IL1RAPL2: variants seen among roughly 807,000 people sequenced by gnomAD.
IL1RAPL2 encodes the protein interleukin 1 receptor accessory protein like 2.
In IL1RAPL2, 3 loss-of-function variants were observed where a neutral mutation model predicts 44.1. The observed-to-expected ratio is 0.07, with a 90% CI of 0.03 to 0.18. The LOEUF (loss-of-function observed/expected upper bound fraction) is 0.18. Ranked by LOEUF, IL1RAPL2 falls within the 10% of genes least tolerant of loss-of-function variation. The pLI, the probability that IL1RAPL2 is intolerant of heterozygous loss-of-function variation, is 1.00. For synonymous variants in IL1RAPL2, 181 were observed against 178.8 expected (o/e 1.01, Z -0.10); for missense variants, 391 against 496.4 (o/e 0.79, Z 2.02).
At chrX:105,735,831 G>A (rs892604414) in intron 7 of IL1RAPL2, among the ~76,000 whole-genome samples, 1 of 110,851 alleles carries the variant, frequency 9.0e-6, no homozygotes, top group Non-Finnish European at 1.9e-5. Context: ...ACTAAATATT[G>A]GAAAAGAATC....
chrX:104,877,193 G>T (rs779807021), intron 2 of IL1RAPL2, among the ~76,000 whole-genome samples: 88 of 111,387 alleles, frequency 7.9e-4, no homozygotes, highest in African/African-American at 1.8e-3. Flanking sequence ...TAAACATACG[G>T]GTGCATGTGT....
intron 6 of IL1RAPL2, among the ~76,000 whole-genome samples, chrX:105,592,171 C>T (rs1250834252): frequency 9.0e-6 from 1 of 111,479 alleles, no homozygotes; most frequent in African/African-American, 3.3e-5. Context: ...TTATGTAATG[C>T]CTTTCTTTAA....
chrX:105,575,630 A>G (rs1039832765), intron 6 of IL1RAPL2, among the ~76,000 whole-genome samples: 2 of 112,368 alleles, frequency 1.8e-5, no homozygotes, highest in Admixed American at 9.4e-5. Context: ...GCTGCAGTGA[A>G]CATACACATG....
chrX:105,414,728 A>G (rs756444284), intron 5 of IL1RAPL2, among the ~76,000 whole-genome samples: 7 of 111,815 alleles, frequency 6.3e-5, no homozygotes, highest in East Asian at 2.8e-4. Flanking sequence ...TGGAATCCCA[A>G]TGTAGGTACA....
intron 2 of IL1RAPL2, among the ~76,000 whole-genome samples, chrX:105,035,109 G>A (rs993242101): frequency 1.2e-4 from 13 of 111,457 alleles, no homozygotes; most frequent in Non-Finnish European, 2.5e-4. Flanking sequence ...GTATTAGGGT[G>A]GGAGTGACCC....
At chrX:104,772,155 C>A (rs778452518) in intron 2 of IL1RAPL2, among the ~76,000 whole-genome samples, 9 of 111,426 alleles carry the variant, frequency 8.1e-5, no homozygotes, top group South Asian at 7.6e-4. Context: ...TGGACTTTAG[C>A]CTTTCTTTCA....
At chrX:105,762,963 A>G (rs1484721374) in intron 10 of IL1RAPL2, among the ~76,000 whole-genome samples, 1 of 110,960 alleles carries the variant, frequency 9.0e-6, no homozygotes, top group African/African-American at 3.3e-5. Context: ...ATGTCTCCCA[A>G]AAAACCACAA....
At chrX:105,214,747 G>A (rs1187652562) in intron 3 of IL1RAPL2, among the ~76,000 whole-genome samples, 6 of 111,919 alleles carry the variant, frequency 5.4e-5, no homozygotes, top group African/African-American at 1.9e-4. Flanking sequence ...CCTAGCAAAT[G>A]CAAAAGAATG....
At chrX:105,145,342 A>G (rs1395205259) in intron 2 of IL1RAPL2, among the ~76,000 whole-genome samples, 3 of 111,455 alleles carry the variant, frequency 2.7e-5, no homozygotes, top group Non-Finnish European at 1.9e-5. Context: ...ACCACTTCCA[A>G]TTAAGGCTGG....
At chrX:104,909,622 C>T (rs982883001) in intron 2 of IL1RAPL2, among the ~76,000 whole-genome samples, 1 of 111,862 alleles carries the variant, frequency 8.9e-6, no homozygotes, top group Non-Finnish European at 1.9e-5. Flanking sequence ...TGTCAGTGTG[C>T]TCCTGTTGGG....
intron 1 of IL1RAPL2, among the ~76,000 whole-genome samples, chrX:104,611,011 C>T (rs985266423): frequency 9.0e-6 from 1 of 111,496 alleles, no homozygotes; most frequent in Non-Finnish European, 1.9e-5. Context: ...AATATTGCTG[C>T]CTGATCCTTC....
chrX:105,446,523 A>T (rs773899684), intron 5 of IL1RAPL2, among the ~76,000 whole-genome samples: 1 of 110,544 alleles, frequency 9.0e-6, no homozygotes, highest in Non-Finnish European at 1.9e-5. Context: ...CTGCTGGTAT[A>T]ATTTAATTTC....
At chrX:105,317,524 T>C (rs2147685239) in intron 5 of IL1RAPL2, among the ~76,000 whole-genome samples, 1 of 112,102 alleles carries the variant, frequency 8.9e-6, no homozygotes, top group African/African-American at 3.2e-5. Flanking sequence ...AAATTCACAC[T>C]TGGGAGAAGA....
intron 2 of IL1RAPL2, among the ~76,000 whole-genome samples, chrX:104,708,587 G>A (rs1931401155): frequency 9.0e-6 from 1 of 111,175 alleles, no homozygotes; most frequent in South Asian, 3.8e-4. Context: ...ACACATCAAA[G>A]TTTGATCTGT....
intron 2 of IL1RAPL2, among the ~76,000 whole-genome samples, chrX:104,907,020 T>A (rs1451767971): frequency 2.7e-5 from 3 of 111,142 alleles, no homozygotes; most frequent in African/African-American, 9.8e-5. Context: ...TTCTTCCTGG[T>A]TTAGTCTTGG....
intron 6 of IL1RAPL2, among the ~76,000 whole-genome samples, chrX:105,677,509 A>G (rs2037882956): frequency 8.9e-6 from 1 of 112,491 alleles, no homozygotes; most frequent in Admixed American, 9.5e-5. Flanking sequence ...AACTTTAACA[A>G]TCTGATTTTA....
chrX:104,902,358 A>G (rs1923845285), intron 2 of IL1RAPL2, among the ~76,000 whole-genome samples: 1 of 112,023 alleles, frequency 8.9e-6, no homozygotes, highest in Admixed American at 9.5e-5. Flanking sequence ...CAAAATTACC[A>G]CTGTTAACCT....
At chrX:104,669,941 A>G (rs1451054032) in intron 2 of IL1RAPL2, among the ~76,000 whole-genome samples, 12 of 111,886 alleles carry the variant, frequency 1.1e-4, no homozygotes, top group Non-Finnish European at 1.3e-4. Flanking sequence ...AATCTACTGC[A>G]AGTTTCCATA....
In IL1RAPL2 at chrX:105,717,414, G is replaced by A. The variant is rs1316482112; in HGVS notation, c.820G>A (p.Glu274Lys). 8.3e-7 allele frequency: 1 copy of A among 1,202,293 alleles called. No individual in the cohort carries two copies. The highest frequency in any genetic ancestry group is 2.2e-5 in the Admixed American group (1 of 45,687). The change falls in exon 7 of 11, where the codon GAG becomes AAG. Residue 274 changes from glutamate (E) to lysine (K), a missense_variant. By Grantham distance (56) the Glu-to-Lys change is moderately conservative. Around this residue, in one of 2 missense-constraint regions of IL1RAPL2, gnomAD observed 159 missense variants for 251.7 expected, o/e 0.63. Transcript: ENST00000372582. The stretch of plus-strand genomic sequence containing the variant: ...CAAAGCATTCTTCGGATTCAGTGGA[G>A]AGTCTGGGCCAATGATCTACTGGAT... ...PCKAFFGFSG[E>K]SGPMIYWMKG...
Sources: gnomAD v4.1 joint callset for allele counts (sites outside exome capture counted in the v4.1 genomes callset) on GRCh38, gnomAD v4.1.1 for gene constraint, gnomAD v4.1.1 regional missense constraint, MANE v1.5 for transcripts, NCBI Gene and HGNC (gene_info 2026-07-23, HGNC 2026-07-21) for gene names.